EPB41L4A: variants seen among roughly 807,000 people sequenced by gnomAD.
EPB41L4A encodes band 4.1-like protein 4A.
Under a neutral mutation model 108.6 loss-of-function variants are expected in EPB41L4A, and 100 were observed. That is an observed-to-expected ratio of 0.92 (90% confidence interval 0.78 to 1.09). The LOEUF (loss-of-function observed/expected upper bound fraction) is 1.09, where lower values mean the gene tolerates loss of function less well. Ranked by LOEUF, EPB41L4A falls within the 50% of genes least tolerant of loss-of-function variation. EPB41L4A has a pLI of 0.00. For synonymous variants in EPB41L4A, 319 were observed against 289.0 expected, an observed-to-expected ratio of 1.10 and a Z score of -1.05; for missense variants, 1,030 against 842.7, an observed-to-expected ratio of 1.22 and a Z score of -2.75.
At chr5:112,146,038 C>T (rs891861607) in intron 12 of EPB41L4A, 2 of 454,478 alleles carry the variant, frequency 4.4e-6, no homozygotes, top group Non-Finnish European at 8.8e-6. Context: ...GTGTCAAACC[C>T]AATCTGGCTT....
rs527291652 is a variant in EPB41L4A, at chr5:112,162,826, T to G, written c.*2164A>C. On this transcript the variant is annotated 3_prime_UTR_variant, in exon 23 of 23. Coordinates refer to ENST00000261486, the MANE Select transcript of EPB41L4A (RefSeq NM_022140.5). ...GTTGAGACTAAAGGTATGTGTCATA[T>G]TTTTCACAAGGCAAAACTGGGGGAA... The G allele has an allele frequency of 6.6e-6, 1 of 152,224 alleles. No individual in the cohort carries two copies. Among genetic ancestry groups the G allele is most frequent in the Non-Finnish European group, 1.5e-5 (1 of 68,036 alleles). The allele number at this position is 152,224 out of a possible 1,614,324, so 9.4% of individuals were successfully genotyped here. A position where few individuals can be genotyped will look rare whatever the true frequency, so the allele number is the denominator to read the frequency against.
intron 12 of EPB41L4A, among the ~76,000 whole-genome samples, chr5:112,229,525 AC>A: frequency 6.6e-6 from 1 of 152,216 alleles, no homozygotes; most frequent in Admixed American, 6.5e-5. Context: ...AGCAGTGTAC[AC>A]TGTACCCAAT....
At chr5:112,414,692 C>T (rs980368639) in intron 1 of EPB41L4A, among the ~76,000 whole-genome samples, 1 of 152,160 alleles carries the variant, frequency 6.6e-6, no homozygotes, top group Non-Finnish European at 1.5e-5. Flanking sequence ...AATGCTTTCC[C>T]CCTTAAACAG....
intron 11 of EPB41L4A, among the ~76,000 whole-genome samples, chr5:112,235,041 T>C (rs1749230997): frequency 6.6e-6 from 1 of 152,184 alleles, no homozygotes; most frequent in African/African-American, 2.4e-5. Context: ...GAAATAAAGG[T>C]TGCTGACAGT....
chr5:112,311,770 C>T (rs1755068835), intron 1 of EPB41L4A, among the ~76,000 whole-genome samples: 1 of 152,172 alleles, frequency 6.6e-6, no homozygotes, highest in Non-Finnish European at 1.5e-5. Flanking sequence ...AGAAAGTGCA[C>T]ACACACCTTT....
chr5:112,179,051 T>C (rs1461586286), intron 18 of EPB41L4A, among the ~76,000 whole-genome samples: 9 of 152,028 alleles, frequency 5.9e-5, no homozygotes, highest in African/African-American at 2.2e-4. Context: ...TCACAGATGT[T>C]AAAAGCACAG....
chr5:112,146,150 T>C (rs896717736), intron 12 of EPB41L4A, among the ~76,000 whole-genome samples: 1 of 152,228 alleles, frequency 6.6e-6, no homozygotes, highest in African/African-American at 2.4e-5. Context: ...CCAAAGTTTA[T>C]TGAAATTACT....
At chr5:112,325,981 T>C (rs1382524949) in intron 1 of EPB41L4A, among the ~76,000 whole-genome samples, 1 of 151,976 alleles carries the variant, frequency 6.6e-6, no homozygotes, top group Non-Finnish European at 1.5e-5. Context: ...GTAAGACCCA[T>C]CTCTAAATAA....
intron 9 of EPB41L4A, among the ~76,000 whole-genome samples, chr5:112,246,699 T>C (rs767899787): frequency 5.3e-5 from 8 of 152,216 alleles, no homozygotes; most frequent in Non-Finnish European, 1.2e-4. Context: ...TATCTGACTC[T>C]TCCCTTACCC....
intron 7 of EPB41L4A, 87 bp from the exon 8 acceptor site, chr5:112,260,066 T>G (rs530803393): frequency 6.5e-4 from 627 of 957,860 alleles, no homozygotes; most frequent in Non-Finnish European, 9.6e-4. Context: ...TATAATTTGT[T>G]ACATTAATAT....
At chr5:112,265,648 A>C (rs1159556591) in intron 5 of EPB41L4A, among the ~76,000 whole-genome samples, 1 of 152,262 alleles carries the variant, frequency 6.6e-6, no homozygotes, top group Non-Finnish European at 1.5e-5. Flanking sequence ...CACAAGGGCA[A>C]GGACCATGCT....
chr5:112,340,203 A>C (rs1198390966), intron 1 of EPB41L4A, among the ~76,000 whole-genome samples: 3 of 152,146 alleles, frequency 2.0e-5, no homozygotes, highest in Admixed American at 6.5e-5. Context: ...CCAATTAGGA[A>C]CCCCAGTGAA....
At chr5:112,195,841 A>G in intron 15 of EPB41L4A, 133 bp from the exon 16 acceptor site, 1 of 731,514 alleles carries the variant, frequency 1.4e-6, no homozygotes, top group Non-Finnish European at 2.3e-6. Flanking sequence ...CATTTACGTC[A>G]TATGTATATG....
intron 12 of EPB41L4A, among the ~76,000 whole-genome samples, chr5:112,224,820 A>G (rs1748342990): frequency 6.6e-6 from 1 of 152,178 alleles, no homozygotes; most frequent in African/African-American, 2.4e-5. Context: ...TGATCTGTGC[A>G]CTTGGAAAAG....
At chr5:112,408,872 T>A (rs771099695) in intron 1 of EPB41L4A, among the ~76,000 whole-genome samples, 5 of 151,958 alleles carry the variant, frequency 3.3e-5, no homozygotes, top group Non-Finnish European at 5.9e-5. Context: ...ATTAGAACCC[T>A]TATACATAAT....
chr5:112,168,864 AG>A, intron 21 of EPB41L4A, 44 bp from the exon 22 acceptor site: 1 of 1,558,402 alleles, frequency 6.4e-7, no homozygotes, highest in Non-Finnish European at 8.9e-7. Flanking sequence ...AACAGTATCT[AG>A]AATCATAAAT....
At chr5:112,257,922 T>C (rs1468415669) in intron 9 of EPB41L4A, among the ~76,000 whole-genome samples, 1 of 152,230 alleles carries the variant, frequency 6.6e-6, no homozygotes, top group Non-Finnish European at 1.5e-5. Context: ...TTGCATGATT[T>C]TAATTCAGTC....
chr5:112,174,162 A>G (rs916339118), intron 18 of EPB41L4A, among the ~76,000 whole-genome samples: 1 of 152,228 alleles, frequency 6.6e-6, no homozygotes, highest in African/African-American at 2.4e-5. Flanking sequence ...TCTGATTGCT[A>G]GACCACCTGT....
chr5:112,245,926 A>T (rs1045901531), intron 9 of EPB41L4A, among the ~76,000 whole-genome samples: 2 of 152,230 alleles, frequency 1.3e-5, no homozygotes, highest in Non-Finnish European at 2.9e-5. Context: ...GAAAAGTCAA[A>T]TCGAGTTTGA....
Sources: allele counts gnomAD v4.1 joint callset (sites outside exome capture counted in the v4.1 genomes callset), GRCh38; gene constraint gnomAD v4.1.1; transcripts MANE v1.5; gene names NCBI Gene and HGNC (gene_info 2026-07-23, HGNC 2026-07-21).